ST6GALNAC3: variants seen among roughly 807,000 people sequenced by gnomAD.
The protein encoded by ST6GALNAC3 is alpha-N-acetylgalactosaminide alpha-2,6-sialyltransferase 3.
Under a neutral mutation model 32.7 loss-of-function variants are expected in ST6GALNAC3, and 25 were observed. The ratio of observed to expected loss-of-function variants is 0.76; its 90% CI spans 0.56 to 1.07. The LOEUF (loss-of-function observed/expected upper bound fraction) is 1.07. Ranked by LOEUF, ST6GALNAC3 falls within the 50% of genes least tolerant of loss-of-function variation. The pLI, the probability that ST6GALNAC3 is intolerant of heterozygous loss-of-function variation, is 0.00. For missense variants in ST6GALNAC3, 355 were observed against 382.4 expected (o/e 0.93, Z 0.60); for synonymous variants, 129 against 133.1 (o/e 0.97, Z 0.21).
chr1:76,378,877 C>T (rs956188027), intron 2 of ST6GALNAC3, among the ~76,000 whole-genome samples: 2 of 119,770 alleles, frequency 1.7e-5, no homozygotes, highest in African/African-American at 3.2e-5. Flanking sequence ...TTCAAATCAG[C>T]GGAAAAATTA....
chr1:76,210,298 A>G (rs1187645303), intron 1 of ST6GALNAC3, among the ~76,000 whole-genome samples: 2 of 152,126 alleles, frequency 1.3e-5, no homozygotes, highest in Non-Finnish European at 2.9e-5. Context: ...TGAGACCTTT[A>G]TGTACCTTAG....
At chr1:76,527,525 T>C (rs1268520094) in intron 3 of ST6GALNAC3, among the ~76,000 whole-genome samples, 2 of 152,098 alleles carry the variant, frequency 1.3e-5, no homozygotes, top group African/African-American at 4.8e-5. Flanking sequence ...ATTTACTTTT[T>C]TAGACAATGC....
At chr1:76,450,002 AT>A (rs1452205007) in intron 3 of ST6GALNAC3, among the ~76,000 whole-genome samples, 3 of 152,104 alleles carry the variant, frequency 2.0e-5, no homozygotes, top group East Asian at 1.9e-4. Flanking sequence ...CAGGTTCCAT[AT>A]TTTTGCAATT....
At chr1:76,137,600 TA>T (rs1650033048) in intron 1 of ST6GALNAC3, among the ~76,000 whole-genome samples, 1 of 152,242 alleles carries the variant, frequency 6.6e-6, no homozygotes, top group African/African-American at 2.4e-5. Flanking sequence ...GATTATGATT[TA>T]ATAATCCTTG....
At chr1:76,359,825 G>A (rs1319827969) in intron 2 of ST6GALNAC3, among the ~76,000 whole-genome samples, 1 of 152,188 alleles carries the variant, frequency 6.6e-6, no homozygotes, top group Non-Finnish European at 1.5e-5. Context: ...AATCAATGAA[G>A]ATAGGTGAAT....
chr1:76,094,007 G>A (rs887883023), intron 1 of ST6GALNAC3, among the ~76,000 whole-genome samples: 10 of 152,056 alleles, frequency 6.6e-5, no homozygotes, highest in East Asian at 1.9e-4. Context: ...CTTTTATTAC[G>A]GGAGTTCATC....
intron 3 of ST6GALNAC3, among the ~76,000 whole-genome samples, chr1:76,604,188 C>A (rs1464437381): frequency 1.3e-5 from 2 of 152,020 alleles, no homozygotes; most frequent in South Asian, 2.1e-4. Context: ...GTCAGTTTAA[C>A]CTCTGTACAT....
chr1:76,366,527 T>C (rs1202525148), intron 2 of ST6GALNAC3, among the ~76,000 whole-genome samples: 1 of 152,246 alleles, frequency 6.6e-6, no homozygotes, highest in African/African-American at 2.4e-5. Flanking sequence ...TTGAACATCT[T>C]ATTTCACAAA....
chr1:76,263,285 G>A (rs1040605434), intron 1 of ST6GALNAC3, among the ~76,000 whole-genome samples: 9 of 152,202 alleles, frequency 5.9e-5, no homozygotes, highest in East Asian at 5.8e-4. Context: ...ATGGGCCCAC[G>A]CATGCAAAGC....
intron 3 of ST6GALNAC3, among the ~76,000 whole-genome samples, chr1:76,431,765 G>A (rs894266235): frequency 2.0e-5 from 3 of 151,964 alleles, no homozygotes; most frequent in East Asian, 1.9e-4. Flanking sequence ...ACTGTCTCTC[G>A]CATTATTAAC....
chr1:76,400,006 C>A (rs1462631628), intron 2 of ST6GALNAC3, among the ~76,000 whole-genome samples: 1 of 152,014 alleles, frequency 6.6e-6, no homozygotes, highest in East Asian at 1.9e-4. Flanking sequence ...TTTGTTTCTT[C>A]TTCAATCTTC....
intron 1 of ST6GALNAC3, among the ~76,000 whole-genome samples, chr1:76,254,295 G>C (rs1266861820): frequency 6.6e-6 from 1 of 152,078 alleles, no homozygotes; most frequent in African/African-American, 2.4e-5. Flanking sequence ...CTGGATACTG[G>C]TGTGCTTAGC....
chr1:76,097,525 G>C (rs932793454), intron 1 of ST6GALNAC3, among the ~76,000 whole-genome samples: 1 of 152,148 alleles, frequency 6.6e-6, no homozygotes, highest in South Asian at 2.1e-4. Flanking sequence ...GGCTTCCCCA[G>C]CCATACTGAA....
chr1:76,255,781 G>T (rs145310390), intron 1 of ST6GALNAC3, among the ~76,000 whole-genome samples: 1 of 151,956 alleles, frequency 6.6e-6, no homozygotes, highest in Non-Finnish European at 1.5e-5. Flanking sequence ...TCTCTCTTGC[G>T]TGGGAGGAAA....
intron 1 of ST6GALNAC3, among the ~76,000 whole-genome samples, chr1:76,173,763 A>C (rs1652673230): frequency 6.6e-6 from 1 of 152,240 alleles, no homozygotes; most frequent in South Asian, 2.1e-4. Flanking sequence ...CATTAGAGAA[A>C]TGCAAATCAA....
intron 1 of ST6GALNAC3, among the ~76,000 whole-genome samples, chr1:76,262,761 A>G (rs563849361): frequency 4.6e-5 from 7 of 152,284 alleles, no homozygotes; most frequent in African/African-American, 9.6e-5. Flanking sequence ...AGTGGGGAGC[A>G]TGGTTCATCA....
intron 3 of ST6GALNAC3, among the ~76,000 whole-genome samples, chr1:76,522,923 G>A (rs1001817292): frequency 2.0e-5 from 3 of 152,106 alleles, no homozygotes; most frequent in Admixed American, 1.3e-4. Context: ...TCTCGGAATC[G>A]TTAGCCAAAG....
chr1:76,088,056 T>C (rs1646987833), intron 1 of ST6GALNAC3, among the ~76,000 whole-genome samples: 1 of 152,222 alleles, frequency 6.6e-6, no homozygotes, highest in Non-Finnish European at 1.5e-5. Flanking sequence ...TTATTGTTAT[T>C]AGCTAACAGT....
intron 2 of ST6GALNAC3, among the ~76,000 whole-genome samples, chr1:76,400,306 A>G (rs1471246314): frequency 6.6e-6 from 1 of 152,198 alleles, no homozygotes; most frequent in East Asian, 1.9e-4. Flanking sequence ...TACTTTTGAG[A>G]TGATCATTTG....
Sources: allele counts gnomAD v4.1 joint callset (sites outside exome capture counted in the v4.1 genomes callset), GRCh38; gene constraint gnomAD v4.1.1; transcripts MANE v1.5; gene names NCBI Gene and HGNC (gene_info 2026-07-23, HGNC 2026-07-21).